The following CCDC63 variants were observed in gnomAD, a reference collection of about 807,000 sequenced individuals.
CCDC63 encodes the protein coiled-coil domain containing 63, also known as coiled-coil domain-containing protein 63.
CCDC63 carries 54 observed loss-of-function variants against 63.6 expected under a neutral mutation model. The ratio of observed to expected loss-of-function variants is 0.85; its 90% confidence interval spans 0.68 to 1.07. The LOEUF is 1.07. Among genes scored for constraint, CCDC63 ranks in the 50% least tolerant of loss-of-function variants. CCDC63 has a pLI of 0.00. For synonymous variants in CCDC63, 253 were observed against 266.1 expected, an observed-to-expected ratio of 0.95 and a Z score of 0.48; for missense variants, 637 against 689.6, an observed-to-expected ratio of 0.92 and a Z score of 0.86.
At chr12:110,868,712 G>A (rs2071015193) in intron 4 of CCDC63, among the ~76,000 whole-genome samples, 1 of 130,320 alleles carries the variant, frequency 7.7e-6, no homozygotes, top group African/African-American at 2.9e-5. Flanking sequence ...GAGACCGTGG[G>A]GAGAGGGAGA....
At chr12:110,897,089 AT>A (rs1240420920) in intron 9 of CCDC63, among the ~76,000 whole-genome samples, 1 of 152,206 alleles carries the variant, frequency 6.6e-6, no homozygotes, top group Non-Finnish European at 1.5e-5. Context: ...ACATTTTAAA[AT>A]AGTGAGATAG....
Position 110,851,234 on chromosome 12 carries a change from C to G in CCDC63, c.-96-1625C>G, listed in dbSNP as rs187443730. Among the ~76,000 whole-genome samples, 151 of 120,172 alleles carry G rather than the reference C, an allele frequency of 1.3e-3. 1 individual carries two copies. Among genetic ancestry groups the G allele is most frequent in the African/African-American group, 4.8e-3 (146 of 30,520 alleles). The allele number at this position is 120,172 out of a possible 152,430, so 78.8% of individuals were successfully genotyped here. ...ATTGGACATTACCCAGAGGTATGTT[C>G]AGGCTTGGCTAAATGCTGGTGCTTG... On this transcript the variant is annotated intron_variant, in intron 1 of 11. Coordinates refer to ENST00000308208, the MANE Select transcript of CCDC63 (RefSeq NM_152591.3).
intron 5 of CCDC63, among the ~76,000 whole-genome samples, chr12:110,874,559 A>G (rs1358891878): frequency 6.6e-6 from 1 of 152,254 alleles, no homozygotes; most frequent in African/African-American, 2.4e-5. Context: ...GGTGCTCCAT[A>G]CATGTCTTTA....
intron 3 of CCDC63, among the ~76,000 whole-genome samples, chr12:110,856,237 C>G (rs200269924): frequency 1.3e-5 from 2 of 151,970 alleles, no homozygotes; most frequent in Non-Finnish European, 2.9e-5. Flanking sequence ...AGGCGCCCAC[C>G]ACCATGCCTG....
At chr12:110,867,273 G>A (rs2070973636) in intron 4 of CCDC63, among the ~76,000 whole-genome samples, 1 of 100,272 alleles carries the variant, frequency 1.0e-5, no homozygotes, top group African/African-American at 4.1e-5. Flanking sequence ...GGGCAGAGGG[G>A]CTCCTCACTT....
intron 6 of CCDC63, among the ~76,000 whole-genome samples, chr12:110,880,784 G>GGTC (rs1315824502): frequency 6.6e-6 from 1 of 150,460 alleles, no homozygotes; most frequent in Non-Finnish European, 1.5e-5. Context: ...TGATGATGGT[G>GGTC]GTGATGATGA....
At chr12:110,848,593 A>G (rs939863802) in intron 1 of CCDC63, among the ~76,000 whole-genome samples, 4 of 152,068 alleles carry the variant, frequency 2.6e-5, no homozygotes, top group East Asian at 3.9e-4. Flanking sequence ...CAATGATCTC[A>G]TGGGCCAGAC....
At chr12:110,868,495 C>G (rs1174790507) in intron 4 of CCDC63, among the ~76,000 whole-genome samples, 1 of 150,000 alleles carries the variant, frequency 6.7e-6, no homozygotes, top group Non-Finnish European at 1.5e-5. Context: ...CTCGGGAGGC[C>G]GAGGTTGGCG....
chr12:110,868,001 C>T (rs1173567930), intron 4 of CCDC63, among the ~76,000 whole-genome samples: 2 of 147,998 alleles, frequency 1.4e-5, no homozygotes, highest in East Asian at 4.1e-4. Context: ...CAGAGGGTCT[C>T]CTCACTTCTC....
intron 3 of CCDC63, among the ~76,000 whole-genome samples, chr12:110,854,993 G>A (rs1234062771): frequency 2.0e-5 from 3 of 151,942 alleles, no homozygotes; most frequent in African/African-American, 7.2e-5. Context: ...GTTTCACCAA[G>A]TTGCCCAGGC....
Position 110,852,919 on chromosome 12 carries a change from A to G in CCDC63, c.-36A>G, listed in dbSNP as rs775308575. Reference sequence around the variant, plus strand: ...CACTGGCTTTGAGCTCTCTGGGTACAGTGTCTGAGTGGAGGCAAAGTGCGG... The same window carrying G: ...CACTGGCTTTGAGCTCTCTGGGTACGGTGTCTGAGTGGAGGCAAAGTGCGG... On this transcript the variant is annotated 5_prime_UTR_variant, in exon 2 of 12. Transcript: ENST00000308208. The G allele has an allele frequency of 1.5e-5, 25 of 1,614,160 alleles. No homozygotes were observed. In the East Asian group the frequency reaches 2.7e-4, roughly 17 times the overall value.
upstream of CCDC63, among the ~76,000 whole-genome samples, chr12:110,846,526 G>A (rs1039850192): frequency 5.9e-4 from 88 of 150,402 alleles, 2 homozygotes; most frequent in Non-Finnish European, 1.5e-4. Flanking sequence ...TTCCCCCCCC[G>A]CCCCAACATT....
intron 8 of CCDC63, among the ~76,000 whole-genome samples, chr12:110,892,593 G>A (rs897759397): frequency 4.6e-5 from 7 of 152,092 alleles, no homozygotes; most frequent in Admixed American, 1.3e-4. Flanking sequence ...TGAGGCGGGC[G>A]GATCGCCTGA....
intron 8 of CCDC63, among the ~76,000 whole-genome samples, 200 bp downstream of exon 8, chr12:110,884,450 G>A (rs1301982401): frequency 1.3e-5 from 2 of 151,540 alleles, no homozygotes; most frequent in Non-Finnish European, 2.9e-5. Flanking sequence ...TGCGATATTG[G>A]CTCACTGCAG....
chr12:110,893,982 C>A (rs1261730668), intron 9 of CCDC63, among the ~76,000 whole-genome samples: 1 of 130,618 alleles, frequency 7.7e-6, no homozygotes, highest in Non-Finnish European at 1.7e-5. Context: ...CACAGTGAGA[C>A]CCTGTCTCAA....
chr12:110,851,025 A>T (rs1451925000), intron 1 of CCDC63, among the ~76,000 whole-genome samples: 2 of 152,166 alleles, frequency 1.3e-5, no homozygotes, highest in Non-Finnish European at 2.9e-5. Context: ...CTATTTTGTC[A>T]TAGGCAGGAT....
chr12:110,866,157 T>C (rs1225211807), intron 4 of CCDC63, among the ~76,000 whole-genome samples: 5 of 152,112 alleles, frequency 3.3e-5, no homozygotes, highest in African/African-American at 1.2e-4. Context: ...TTTGTATTTT[T>C]AGTAGAGATG....
intron 4 of CCDC63, among the ~76,000 whole-genome samples, chr12:110,861,857 C>T (rs550471143): frequency 1.3e-4 from 19 of 151,924 alleles, no homozygotes; most frequent in Non-Finnish European, 2.5e-4. Context: ...AGGTGTGAGC[C>T]ACTGTGCCCG....
At chr12:110,845,957 TACAAAAA>T (rs2070632650), upstream of CCDC63, 1 of 11,896 alleles carries the variant, frequency 8.4e-5, no homozygotes, top group African/African-American at 3.3e-4. Context: ...TTAGTAGAAA[TACAAAAA>T]AAAAAAAAAA....
Sources: allele counts gnomAD v4.1 joint callset (sites outside exome capture counted in the v4.1 genomes callset), GRCh38; gene constraint gnomAD v4.1.1; transcripts MANE v1.5; gene names NCBI Gene and HGNC (gene_info 2026-07-23, HGNC 2026-07-21).